The following PPARG variants were observed in gnomAD, a reference collection of about 807,000 sequenced individuals.
PPARG encodes peroxisome proliferator-activated receptor gamma.
In PPARG, 17 loss-of-function variants were observed where a neutral mutation model predicts 39.2. The ratio of observed to expected loss-of-function variants is 0.43; its 90% CI spans 0.30 to 0.65. The LOEUF (loss-of-function observed/expected upper bound fraction) is 0.65. Ranked by LOEUF, PPARG falls within the 30% of genes least tolerant of loss-of-function variation. PPARG has a pLI of 0.13. For synonymous variants in PPARG, 223 were observed against 215.7 expected, an observed-to-expected ratio of 1.03 and a Z score of -0.30; for missense variants, 406 against 585.9, an observed-to-expected ratio of 0.69 and a Z score of 3.17.
intron 2 of PPARG, among the ~76,000 whole-genome samples, chr3:12,377,697 C>T (rs892779211): frequency 1.3e-5 from 2 of 151,992 alleles, no homozygotes; most frequent in Non-Finnish European, 2.9e-5. Flanking sequence ...CTTCTAATTT[C>T]AAGAGAGTAA....
Position 12,406,013 on chromosome 3 carries a change from A to G in PPARG, c.661A>G (p.Ile221Val), listed in dbSNP as rs776809755. 2 of 1,614,192 alleles carry G rather than the reference A, an allele frequency of 1.2e-6. No homozygotes were observed. Among genetic ancestry groups the G allele is most frequent in the Admixed American group, 1.7e-5 (1 of 60,026 alleles). ...GGCAAAACATTTGTATGACTCATACATAAAGTCCTTCCCGCTGACCAAAGC... is the reference window on the plus strand; with the variant it reads ...GGCAAAACATTTGTATGACTCATACGTAAAGTCCTTCCCGCTGACCAAAGC... Reference protein sequence around the residue: ...ALAKHLYDSYIKSFPLTKAKA... With the variant: ...ALAKHLYDSYVKSFPLTKAKA... Residue 221 changes from isoleucine to valine, a missense_variant, in exon 6 of 8, where the codon ATA (isoleucine) becomes GTA (valine). Physicochemically the swap from Ile to Val is conservative, Grantham distance 29. Around this residue, in one of 2 missense-constraint regions of PPARG, gnomAD observed 275 missense variants for 458.0 expected, o/e 0.60. Coordinates refer to ENST00000651735, the MANE Select transcript of PPARG (RefSeq NM_138711.6).
chr3:12,342,949 A>C (rs556865888), intron 2 of PPARG, among the ~76,000 whole-genome samples: 1 of 152,320 alleles, frequency 6.6e-6, no homozygotes, highest in East Asian at 1.9e-4. Context: ...CCAAGCTTTC[A>C]AATACAAAGA....
intron 2 of PPARG, among the ~76,000 whole-genome samples, chr3:12,355,043 G>A (rs2048616005): frequency 6.6e-6 from 1 of 152,130 alleles, no homozygotes; most frequent in South Asian, 2.1e-4. Context: ...ACAATTACAT[G>A]TTTTCTTCTC....
intron 2 of PPARG, among the ~76,000 whole-genome samples, chr3:12,339,159 C>T (rs1451801745): frequency 6.6e-6 from 1 of 152,060 alleles, no homozygotes; most frequent in Non-Finnish European, 1.5e-5. Flanking sequence ...GACTCAACCT[C>T]GGAACCTCCA....
intron 2 of PPARG, among the ~76,000 whole-genome samples, chr3:12,339,565 A>C (rs1040207677): frequency 1.3e-5 from 2 of 152,194 alleles, no homozygotes; most frequent in Non-Finnish European, 2.9e-5. Flanking sequence ...GACCCTTCCA[A>C]GGTCAGAAGA....
intron 2 of PPARG, among the ~76,000 whole-genome samples, 171 bp from the exon 3 acceptor site, chr3:12,379,533 A>G (rs1371319421): frequency 6.6e-6 from 1 of 152,230 alleles, no homozygotes; most frequent in African/African-American, 2.4e-5. Flanking sequence ...CCTTTCTATC[A>G]TAAAACAGCC....
chr3:12,362,234 C>G (rs1207045815), intron 2 of PPARG, among the ~76,000 whole-genome samples: 5 of 152,006 alleles, frequency 3.3e-5, no homozygotes, highest in African/African-American at 1.2e-4. Context: ...AAAACACAGT[C>G]TGCCTAACAT....
chr3:12,376,491 C>T (rs1162522810), intron 2 of PPARG, among the ~76,000 whole-genome samples: 1 of 152,084 alleles, frequency 6.6e-6, no homozygotes, highest in Non-Finnish European at 1.5e-5. Context: ...CCTCCATAAG[C>T]CTGTTTCATC....
At chr3:12,425,202 C>T (rs988250355) in intron 7 of PPARG, among the ~76,000 whole-genome samples, 1 of 152,170 alleles carries the variant, frequency 6.6e-6, no homozygotes, top group Admixed American at 6.5e-5. Flanking sequence ...CGTCCTGTGG[C>T]CCCCGAAGGA....
intron 2 of PPARG, among the ~76,000 whole-genome samples, chr3:12,351,293 C>T (rs4135245): frequency 2.0e-5 from 3 of 152,138 alleles, no homozygotes; most frequent in Admixed American, 6.6e-5. Flanking sequence ...TGTGGGTCAC[C>T]GGCGAGACAG....
intron 2 of PPARG, among the ~76,000 whole-genome samples, chr3:12,352,522 G>T (rs2048521055): frequency 6.6e-6 from 1 of 152,074 alleles, no homozygotes; most frequent in Non-Finnish European, 1.5e-5. Context: ...TCGTATTGAT[G>T]TCTATATTTC....
At chr3:12,310,791 TAAAAAAAAAAAAAAAAAAAA>T (rs761238501) in intron 1 of PPARG, among the ~76,000 whole-genome samples, 23 of 50,360 alleles carry the variant, frequency 4.6e-4, no homozygotes, top group Non-Finnish European at 7.3e-4. Context: ...GCCTTAAATG[TAAAAAAAAAAAAAAAAAAAA>T]AAAAAAAAAA....
At chr3:12,420,823 A>T (rs773386474) in intron 7 of PPARG, among the ~76,000 whole-genome samples, 1 of 152,230 alleles carries the variant, frequency 6.6e-6, no homozygotes, top group African/African-American at 2.4e-5. Flanking sequence ...GCCTGGGCTT[A>T]GCGTCTCTGC....
intron 5 of PPARG, among the ~76,000 whole-genome samples, chr3:12,400,529 A>C (rs2050434214): frequency 6.6e-6 from 1 of 152,250 alleles, no homozygotes; most frequent in South Asian, 2.1e-4. Context: ...GTCTTCCTGA[A>C]GGGAGCCTAC....
intron 5 of PPARG, among the ~76,000 whole-genome samples, chr3:12,404,406 G>C (rs1170579893): frequency 6.6e-6 from 1 of 152,148 alleles, no homozygotes; most frequent in Non-Finnish European, 1.5e-5. Context: ...GTTTCTTCTT[G>C]GGAAAATCCA....
chr3:12,382,115 G>A (rs2049692735), intron 4 of PPARG, among the ~76,000 whole-genome samples: 1 of 152,078 alleles, frequency 6.6e-6, no homozygotes. Context: ...GTAAGTGGCA[G>A]ACCGCAGTCT....
At chr3:12,398,647 C>A (rs2050353134) in intron 5 of PPARG, among the ~76,000 whole-genome samples, 1 of 152,050 alleles carries the variant, frequency 6.6e-6, no homozygotes, top group African/African-American at 2.4e-5. Context: ...ATCTGGAGAG[C>A]AGCTGGCAGA....
intron 2 of PPARG, among the ~76,000 whole-genome samples, chr3:12,366,497 G>C (rs1402891868): frequency 6.6e-6 from 1 of 152,102 alleles, no homozygotes; most frequent in Non-Finnish European, 1.5e-5. Context: ...GCAGTAGTGA[G>C]AGAAGATATC....
chr3:12,378,251 G>A (rs955888673), intron 2 of PPARG, among the ~76,000 whole-genome samples: 2 of 152,158 alleles, frequency 1.3e-5, no homozygotes, highest in Non-Finnish European at 2.9e-5. Flanking sequence ...ATATGATCTA[G>A]CAATCCTACT....
Sources: gnomAD v4.1 joint callset for allele counts (sites outside exome capture counted in the v4.1 genomes callset) on GRCh38, gnomAD v4.1.1 for gene constraint, gnomAD v4.1.1 regional missense constraint, MANE v1.5 for transcripts, NCBI Gene and HGNC (gene_info 2026-07-23, HGNC 2026-07-21) for gene names.